Variants in DTL observed in about 807,000 individuals in gnomAD.
DTL encodes denticleless protein homolog.
DTL carries 46 observed loss-of-function variants against 87.0 expected under a neutral mutation model. The observed-to-expected ratio is 0.53, with a 90% CI of 0.42 to 0.68. The LOEUF is 0.68. Ranked by LOEUF, DTL falls within the 30% of genes least tolerant of loss-of-function variation. The probability of loss-of-function intolerance (pLI) is 0.00; values close to 1 mark genes in which losing one functional copy is unlikely to be tolerated. For synonymous variants in DTL, 308 were observed against 311.2 expected (o/e 0.99, Z 0.11); for missense variants, 737 against 869.4 (o/e 0.85, Z 1.91).
chr1:212,097,398 G>GT (rs1655481641), intron 13 of DTL, among the ~76,000 whole-genome samples: 1 of 152,014 alleles, frequency 6.6e-6, no homozygotes, highest in Admixed American at 6.6e-5. Context: ...TAGATCTCGA[G>GT]CAAGGCCAGA....
chr1:212,101,958 C>G (rs1655636894), intron 14 of DTL, among the ~76,000 whole-genome samples: 1 of 152,178 alleles, frequency 6.6e-6, no homozygotes, highest in Non-Finnish European at 1.5e-5. Context: ...GAAGTTTCCA[C>G]TGTACTTCAC....
In DTL at chr1:212,043,071, G is replaced by C; in HGVS notation, c.131G>C (p.Gly44Ala). ...CSGNDEHTSY[G>A]ETGVPVPPFG... is the part of the protein sequence containing the mutation. ...GGTAATGATGAACACACTTCTTATG[G>C]AGAAACAGGAGTCCCAGTTCCTCCT... The change falls in exon 2 of 15, where the codon GGA (glycine) becomes GCA (alanine). Residue 44 changes from glycine to alanine, a missense_variant. Physicochemically the swap from Gly to Ala is moderately conservative, Grantham distance 60. Transcript: ENST00000366991. The C allele has an allele frequency of 6.2e-7, 1 of 1,613,280 alleles. No individual in the cohort carries two copies. Among genetic ancestry groups the C allele is most frequent in the Non-Finnish European group, 8.5e-7 (1 of 1,179,652 alleles).
intron 2 of DTL, 56 bp downstream of exon 2, chr1:212,043,174 AT>A: frequency 6.6e-7 from 1 of 1,525,404 alleles, no homozygotes; most frequent in Non-Finnish European, 8.8e-7. Context: ...TTTCACACTT[AT>A]AGGGAAAATA....
At chr1:212,052,076 C>CT (rs370950538) in intron 5 of DTL, 27 of 817,794 alleles carry the variant, frequency 3.3e-5, no homozygotes, top group South Asian at 4.1e-5. Flanking sequence ...GGGTCAACAG[C>CT]TTTTTTTTCC....
chr1:212,045,088 C>T (rs536254582), intron 3 of DTL, among the ~76,000 whole-genome samples: 2 of 152,284 alleles, frequency 1.3e-5, no homozygotes, highest in South Asian at 2.1e-4. Context: ...AGAGTGAGAA[C>T]TCACTCATCT....
chr1:212,089,398 G>GAT (rs767869570), intron 13 of DTL, among the ~76,000 whole-genome samples: 46 of 152,140 alleles, frequency 3.0e-4, no homozygotes, highest in Non-Finnish European at 5.4e-4. Context: ...AACATGTACA[G>GAT]ATATATATAT....
At chr1:212,050,013 A>G (rs1667917537) in intron 5 of DTL, among the ~76,000 whole-genome samples, 1 of 151,976 alleles carries the variant, frequency 6.6e-6, no homozygotes, top group Non-Finnish European at 1.5e-5. Flanking sequence ...CCTATAAGAA[A>G]ACAGAAAATT....
chr1:212,059,884 A>G (rs562863575), intron 5 of DTL, among the ~76,000 whole-genome samples: 1 of 152,128 alleles, frequency 6.6e-6, no homozygotes, highest in South Asian at 2.1e-4. Flanking sequence ...TACATCAATA[A>G]TGAATTAGCT....
At chr1:212,068,383 A>G in intron 9 of DTL, 56 bp downstream of exon 9, 1 of 1,243,660 alleles carries the variant, frequency 8.0e-7, no homozygotes, top group Non-Finnish European at 1.1e-6. Context: ...AAAAAAAAAA[A>G]AAAAGGCTAA....
chr1:212,070,457 A>G (rs1410669409), intron 10 of DTL, among the ~76,000 whole-genome samples: 1 of 152,134 alleles, frequency 6.6e-6, no homozygotes, highest in Non-Finnish European at 1.5e-5. Context: ...AAAAGATGCA[A>G]AAAATTAGCT....
intron 5 of DTL, among the ~76,000 whole-genome samples, chr1:212,057,219 A>G (rs1668203847): frequency 1.3e-5 from 2 of 152,128 alleles, no homozygotes; most frequent in Admixed American, 6.5e-5. Context: ...TCAAAAGTCA[A>G]AGACAAAGTG....
intron 11 of DTL, 48 bp downstream of exon 11, chr1:212,072,261 C>T (rs748905951): frequency 7.2e-6 from 10 of 1,391,446 alleles, no homozygotes; most frequent in Admixed American, 5.0e-5. Flanking sequence ...AGTATTCTTG[C>T]AAATATTTGT....
intron 13 of DTL, among the ~76,000 whole-genome samples, chr1:212,093,497 G>C (rs755678972): frequency 6.6e-6 from 1 of 152,208 alleles, no homozygotes; most frequent in Non-Finnish European, 1.5e-5. Flanking sequence ...AGCTTTCCGC[G>C]GATGGGGGAG....
At chr1:212,051,441 T>TA (rs1667971873) in intron 5 of DTL, 1 of 376,076 alleles carries the variant, frequency 2.7e-6, no homozygotes, top group Admixed American at 5.3e-5. Context: ...GATATGAAAT[T>TA]CTTTTTTTTT....
At chr1:212,087,727 C>G (rs901819020) in intron 13 of DTL, among the ~76,000 whole-genome samples, 2 of 152,124 alleles carry the variant, frequency 1.3e-5, no homozygotes, top group African/African-American at 2.4e-5. Flanking sequence ...ACTCTCTAAG[C>G]CAGCTTCCAG....
At chr1:212,082,875 A>G (rs1655026139) in intron 13 of DTL, among the ~76,000 whole-genome samples, 1 of 152,214 alleles carries the variant, frequency 6.6e-6, no homozygotes, top group Non-Finnish European at 1.5e-5. Flanking sequence ...GCAATAATTA[A>G]TTGAAAGTGA....
In DTL at chr1:212,101,006, T is replaced by C. The variant is rs991736728; in HGVS notation, c.2016T>C (p.Ala672=). The change falls in exon 14 of 15, where the codon GCT becomes GCC. Residue 672 remains alanine, a synonymous_variant. Coordinates refer to ENST00000366991, the MANE Select transcript of DTL (RefSeq NM_016448.4). ...TGGCCATGGCAGCCAAACGGAAGGCTGAGAATCCATCTCCACGAAGTCCGT... is the reference window on the plus strand; with the variant it reads ...TGGCCATGGCAGCCAAACGGAAGGCCGAGAATCCATCTCCACGAAGTCCGT... ...WLLAMAAKRK[A]ENPSPRSPSS... is the part of the protein sequence containing the mutation. 1.2e-6 allele frequency: 2 copies of C among 1,614,064 alleles called. No individual in the cohort carries two copies. Among genetic ancestry groups the C allele is most frequent in the Non-Finnish European group, 1.7e-6 (2 of 1,179,990 alleles).
At position 212,089,969 on chromosome 1, in the gene DTL, CTG is replaced by C. The variant is rs534502522; in HGVS notation, c.1261+9222_1261+9223del. Among the ~76,000 whole-genome samples, 19 of 152,298 alleles carry C rather than the reference CTG, an allele frequency of 1.2e-4. No homozygotes were observed. The South Asian group carries it at 3.1e-3, about 25-fold the overall frequency. On this transcript the variant is annotated intron_variant, in intron 13 of 14. Transcript: ENST00000366991. ...TGACCCACTTAAATGGAACAGATGA[CTG>C]TGGCAGCTGTGCAGTGACTATTAAC... is the stretch of plus-strand genomic sequence containing the variant.
At chr1:212,098,735 C>A (rs1367516462) in intron 13 of DTL, among the ~76,000 whole-genome samples, 2 of 152,120 alleles carry the variant, frequency 1.3e-5, no homozygotes, top group Admixed American at 6.5e-5. Context: ...AGTCTCACTC[C>A]TGCAGTGCTT....
Sources: allele counts gnomAD v4.1 joint callset (sites outside exome capture counted in the v4.1 genomes callset), GRCh38; gene constraint gnomAD v4.1.1; transcripts MANE v1.5; gene names NCBI Gene and HGNC (gene_info 2026-07-23, HGNC 2026-07-21).